The following NDUFB3 variants were observed in gnomAD, a reference collection of about 807,000 sequenced individuals.
The protein encoded by NDUFB3 is NADH dehydrogenase [ubiquinone] 1 beta subcomplex subunit 3.
A neutral mutation model predicts 9.0 loss-of-function variants in NDUFB3; 7 were observed. The ratio of observed to expected loss-of-function variants is 0.78; its 90% CI spans 0.44 to 1.46. The LOEUF (loss-of-function observed/expected upper bound fraction) is 1.46. Among genes scored for constraint, NDUFB3 ranks in the 40% most tolerant of loss-of-function variants. The probability of loss-of-function intolerance (pLI) is 0.01; values close to 1 mark genes in which losing one functional copy is unlikely to be tolerated. For missense variants in NDUFB3, 93 were observed against 115.4 expected (o/e 0.81, Z 0.89); for synonymous variants, 29 against 38.5 (o/e 0.75, Z 0.91).
chr2:201,079,829 T>C (rs2047204273), intron 2 of NDUFB3: 1 of 152,208 alleles, frequency 6.6e-6, no homozygotes, highest in South Asian at 2.1e-4. Flanking sequence ...CTTTATCAGA[T>C]AAAAGTTTTG....
Position 201,076,484 on chromosome 2 carries a change from A to AATATATATATATATATATATAT in NDUFB3, c.-2-2389_-2-2368dup, listed in dbSNP as rs561737388. On this transcript the variant is annotated intron_variant, in intron 1 of 2. Coordinates refer to ENST00000237889, the MANE Select transcript of NDUFB3 (RefSeq NM_002491.3). The stretch of plus-strand genomic sequence containing the variant: ...TCCAGAGCAAGACCCTCTATCTTTA[A>AATATATATATATATATATATAT]ATATATATATATATATATATATATA... Among the ~76,000 whole-genome samples the AATATATATATATATATATATAT allele has an allele frequency of 2.0e-3, 235 of 119,972 alleles. 1 individual carries two copies. The highest frequency in any genetic ancestry group is 2.5e-3 in the Non-Finnish European group (139 of 56,434). 78.7% of individuals were successfully genotyped at this position (119,972 alleles called of 152,430 possible).
intron 1 of NDUFB3, among the ~76,000 whole-genome samples, chr2:201,073,626 G>A (rs1338098169): frequency 1.3e-5 from 2 of 151,996 alleles, no homozygotes; most frequent in African/African-American, 4.8e-5. Flanking sequence ...AAATTAGCCG[G>A]GTGTGGTGGT....
chr2:201,075,161 C>T (rs995376118), intron 1 of NDUFB3, among the ~76,000 whole-genome samples: 1 of 106,378 alleles, frequency 9.4e-6, no homozygotes, highest in Non-Finnish European at 1.9e-5. Context: ...GCCTGGGCAA[C>T]ATAGGAAGAT....
intron 2 of NDUFB3, among the ~76,000 whole-genome samples, chr2:201,079,565 C>T (rs559616859): frequency 3.4e-4 from 52 of 152,222 alleles, no homozygotes; most frequent in African/African-American, 1.1e-3. Flanking sequence ...ACTCCAGCCT[C>T]CCTAGTAGCT....
rs1328003287 is a variant in NDUFB3, at chr2:201,078,931, C to T, written c.49C>T (p.Pro17Ser). The T allele has an allele frequency of 6.2e-7, 1 of 1,612,842 alleles. No homozygotes were observed. Among genetic ancestry groups the T allele is most frequent in the Non-Finnish European group, 8.5e-7 (1 of 1,179,686 alleles). The part of the protein sequence containing the change: ...HEHGHHKMEL[P>S]DYRQWKIEGT... ...GCATGGACATCATAAAATGGAACTT[C>T]CAGATTATAGACAATGGAAGATAGA... Residue 17 changes from proline to serine, a missense_variant, in exon 2 of 3, where the codon CCA becomes TCA. By Grantham distance (74) the Pro-to-Ser change is moderately conservative (BLOSUM62 -1). Coordinates refer to ENST00000237889, the MANE Select transcript of NDUFB3 (RefSeq NM_002491.3).
intron 1 of NDUFB3, among the ~76,000 whole-genome samples, chr2:201,075,179 GAA>G (rs752371143): frequency 1.1e-4 from 10 of 91,044 alleles, no homozygotes; most frequent in Non-Finnish European, 1.4e-4. Flanking sequence ...GATCCTGTCT[GAA>G]AAAAAAAAAA....
intron 1 of NDUFB3, among the ~76,000 whole-genome samples, chr2:201,077,172 T>G (rs981431582): frequency 6.6e-6 from 1 of 152,084 alleles, no homozygotes; most frequent in Non-Finnish European, 1.5e-5. Flanking sequence ...GACATAATGG[T>G]AATATTTACT....
intron 1 of NDUFB3, among the ~76,000 whole-genome samples, chr2:201,074,578 T>C (rs2047139355): frequency 6.7e-6 from 1 of 149,534 alleles, no homozygotes; most frequent in Non-Finnish European, 1.5e-5. Flanking sequence ...TTCCTCAGCC[T>C]CCTGAGTAGC....
intron 1 of NDUFB3, among the ~76,000 whole-genome samples, chr2:201,073,208 C>T (rs555013538): frequency 2.0e-5 from 3 of 152,078 alleles, no homozygotes; most frequent in South Asian, 4.2e-4. Flanking sequence ...TTAATTTTTC[C>T]GTCTATGATG....
At chr2:201,076,608 T>G (rs1456181435) in intron 1 of NDUFB3, among the ~76,000 whole-genome samples, 1 of 151,326 alleles carries the variant, frequency 6.6e-6, no homozygotes, top group African/African-American at 2.4e-5. Flanking sequence ...ATGTACAATT[T>G]TTTTCTCATA....
At chr2:201,084,074 A>G (rs548834259) in intron 2 of NDUFB3, among the ~76,000 whole-genome samples, 2 of 152,122 alleles carry the variant, frequency 1.3e-5, no homozygotes, top group African/African-American at 2.4e-5. Context: ...GTGAATCACA[A>G]GGTCAGAAGT....
intron 2 of NDUFB3, among the ~76,000 whole-genome samples, chr2:201,082,009 G>A (rs1479871383): frequency 6.6e-6 from 1 of 151,684 alleles, no homozygotes; most frequent in Non-Finnish European, 1.5e-5. Flanking sequence ...GTAGAGATGG[G>A]GTTTCACTGT....
At chr2:201,076,525 A>G (rs1452538959) in intron 1 of NDUFB3, among the ~76,000 whole-genome samples, 4 of 146,550 alleles carry the variant, frequency 2.7e-5, no homozygotes, top group Non-Finnish European at 6.0e-5. Flanking sequence ...TTAAATGTGA[A>G]AATCATCAAC....
rs2047281121 is a variant in NDUFB3, at chr2:201,085,493, AAG to A, written c.178_179del (p.Ser60CysfsTer5). 1.2e-6 allele frequency: 2 copies of A among 1,610,554 alleles called. No individual in the cohort carries two copies. The highest frequency in any genetic ancestry group is 1.3e-5 in the African/African-American group (1 of 74,692). On this transcript the variant is annotated frameshift_variant, in exon 3 of 3. Coordinates refer to ENST00000237889, the MANE Select transcript of NDUFB3 (RefSeq NM_002491.3). LOFTEE classifies it high-confidence loss of function. ...TTGGAGATACATGGGTGGCTTTGCA[AAG>A]AGTGTTTCCTTTTCTGATGTATTCT... is the stretch of plus-strand genomic sequence containing the variant. ...EAWRYMGGFA[K>X]SVSFSDVFFK...
intron 1 of NDUFB3, among the ~76,000 whole-genome samples, chr2:201,074,716 AAATTGCTGGGATTAC>A (rs1323921696): frequency 6.6e-6 from 1 of 152,126 alleles, no homozygotes; most frequent in Non-Finnish European, 1.5e-5. Flanking sequence ...TTGGCCTCCC[AAATTGCTGGGATTAC>A]AGGCGTGTGC....
At chr2:201,079,862 T>C (rs866287900) in intron 2 of NDUFB3, 1 of 152,232 alleles carries the variant, frequency 6.6e-6, no homozygotes, top group Non-Finnish European at 1.5e-5. Flanking sequence ...CAGAAACATA[T>C]ATACTAAAAT....
intron 2 of NDUFB3, among the ~76,000 whole-genome samples, chr2:201,080,893 C>G (rs542049164): frequency 4.0e-5 from 6 of 151,150 alleles, no homozygotes. Flanking sequence ...TTAGTAGAGA[C>G]GGGGTTTCAC....
chr2:201,073,794 A>T, intron 1 of NDUFB3, among the ~76,000 whole-genome samples: 1 of 151,194 alleles, frequency 6.6e-6, no homozygotes. Flanking sequence ...GTTTTTTTTT[A>T]AAGACTAGAG....
intron 1 of NDUFB3, among the ~76,000 whole-genome samples, chr2:201,072,723 A>G (rs1032220680): frequency 2.6e-5 from 4 of 152,144 alleles, no homozygotes; most frequent in African/African-American, 7.2e-5. Context: ...ATTTAAGTCA[A>G]TTTTTCTATT....
Sources: gnomAD v4.1 joint callset for allele counts (sites outside exome capture counted in the v4.1 genomes callset) on GRCh38, gnomAD v4.1.1 for gene constraint, MANE v1.5 for transcripts, NCBI Gene and HGNC (gene_info 2026-07-23, HGNC 2026-07-21) for gene names.